The following SHISA9 variants were observed in gnomAD, a reference collection of about 807,000 sequenced individuals.
SHISA9 encodes shisa family member 9, also known as protein shisa-9.
In SHISA9, 13 loss-of-function variants were observed where a neutral mutation model predicts 38.0. The observed-to-expected ratio is 0.34, with a 90% CI of 0.22 to 0.54. The LOEUF (loss-of-function observed/expected upper bound fraction) is 0.54. SHISA9 is among the 20% of genes least tolerant of loss of function. SHISA9 has a pLI of 0.91. For missense variants in SHISA9, 538 were observed against 575.8 expected, an observed-to-expected ratio of 0.93 and a Z score of 0.67; for synonymous variants, 275 against 242.0, an observed-to-expected ratio of 1.14 and a Z score of -1.27.
chr16:13,079,120 A>G (rs1049724852), intron 2 of SHISA9, among the ~76,000 whole-genome samples: 3 of 152,192 alleles, frequency 2.0e-5, no homozygotes, highest in African/African-American at 2.4e-5. Context: ...AGGGTGAAAC[A>G]TGGCATGGAA....
chr16:13,347,846 C>CCCCCG, the SHISA9 span, among the ~76,000 whole-genome samples: 1,346 of 151,832 alleles, frequency 8.9e-3, 21 homozygotes, highest in African/African-American at 0.031. Flanking sequence ...CGTACCCCCC[C>CCCCCG]ACAAAGATGT....
intron 2 of SHISA9, among the ~76,000 whole-genome samples, chr16:13,002,725 A>G (rs4238619): frequency 0.72 from 108,642 of 151,428 alleles, 39,180 homozygotes; most frequent in African/African-American, 0.78. Flanking sequence ...TAGAGATGAG[A>G]TTTCATTACG....
intron 1 of SHISA9, chr16:12,910,793 G>A (rs977071585): frequency 1.1e-6 from 1 of 936,114 alleles, no homozygotes; most frequent in African/African-American, 1.8e-5. Flanking sequence ...TAAGGAATTG[G>A]AAGTCCAAAA....
At chr16:13,275,491 T>G in the SHISA9 span, among the ~76,000 whole-genome samples, 3 of 152,274 alleles carry the variant, frequency 2.0e-5, no homozygotes, top group Admixed American at 2.0e-4. Flanking sequence ...GAGTTCGATG[T>G]AGTAATATTT....
chr16:13,529,422 C>T, the SHISA9 span, among the ~76,000 whole-genome samples: 1 of 152,144 alleles, frequency 6.6e-6, no homozygotes. Flanking sequence ...AATTAAAGGA[C>T]CTCTAAACCC....
the SHISA9 span, among the ~76,000 whole-genome samples, chr16:13,467,536 G>A: frequency 0.02 from 2,968 of 152,182 alleles, 97 homozygotes; most frequent in African/African-American, 0.069. Flanking sequence ...CAACTTGTAC[G>A]TGGCCTATCA....
chr16:13,060,659 A>ACC (rs1268867184), intron 2 of SHISA9, among the ~76,000 whole-genome samples: 1 of 128,892 alleles, frequency 7.8e-6, no homozygotes, highest in Non-Finnish European at 1.6e-5. Flanking sequence ...AAAAAAAAAA[A>ACC]AACACTCAAA....
chr16:13,469,393 GAAAGAAAGAA>G, the SHISA9 span, among the ~76,000 whole-genome samples: 1 of 113,766 alleles, frequency 8.8e-6, no homozygotes, highest in Non-Finnish European at 1.9e-5. Flanking sequence ...AAGAAAGAAA[GAAAGAAAGAA>G]AGAAAGAAAG....
At chr16:12,972,303 C>G (rs1253786883) in intron 2 of SHISA9, among the ~76,000 whole-genome samples, 4 of 151,994 alleles carry the variant, frequency 2.6e-5, no homozygotes, top group Non-Finnish European at 4.4e-5. Context: ...AAAGAGTATT[C>G]CAGCCAAGAA....
chr16:13,472,377 A>ATTTTTTTTTTTTTTTT, the SHISA9 span, among the ~76,000 whole-genome samples: 1 of 55,416 alleles, frequency 1.8e-5, no homozygotes, highest in Non-Finnish European at 3.2e-5. Context: ...GCTCTGCTAA[A>ATTTTTTTTTTTTTTTT]TTTTTTTTTT....
At chr16:12,954,951 T>C (rs1471033861) in intron 2 of SHISA9, among the ~76,000 whole-genome samples, 1 of 152,160 alleles carries the variant, frequency 6.6e-6, no homozygotes, top group Non-Finnish European at 1.5e-5. Context: ...CGGTATGTGA[T>C]GGACAGTTCC....
chr16:13,197,156 T>TATAGAG (rs908292344), intron 2 of SHISA9, among the ~76,000 whole-genome samples: 14 of 141,382 alleles, frequency 9.9e-5, no homozygotes, highest in African/African-American at 3.1e-4. Flanking sequence ...TATATATATA[T>TATAGAG]AGAGAGAGAG....
the SHISA9 span, among the ~76,000 whole-genome samples, chr16:13,495,500 A>G: frequency 1.3e-5 from 2 of 152,124 alleles, no homozygotes; most frequent in South Asian, 4.1e-4. Context: ...AAAATACTCC[A>G]TTATATTGGC....
intron 2 of SHISA9, among the ~76,000 whole-genome samples, chr16:13,197,266 G>A (rs1188329483): frequency 6.6e-6 from 1 of 151,970 alleles, no homozygotes; most frequent in Non-Finnish European, 1.5e-5. Flanking sequence ...GTGCCTTTCT[G>A]GGCTATTCCT....
the SHISA9 span, among the ~76,000 whole-genome samples, chr16:13,306,727 C>A: frequency 3.9e-5 from 6 of 152,120 alleles, no homozygotes; most frequent in Non-Finnish European, 7.3e-5. Flanking sequence ...AATCAAAGAG[C>A]AAGAGAGTAA....
At chr16:13,272,767 C>A in the SHISA9 span, among the ~76,000 whole-genome samples, 5 of 152,090 alleles carry the variant, frequency 3.3e-5, no homozygotes, top group African/African-American at 9.7e-5. Flanking sequence ...GTTATTAATC[C>A]CCTTTTCCTC....
intron 2 of SHISA9, among the ~76,000 whole-genome samples, chr16:13,040,928 T>G (rs1262069224): frequency 6.6e-6 from 1 of 152,188 alleles, no homozygotes; most frequent in African/African-American, 2.4e-5. Context: ...GGAGAGCAAG[T>G]GTGGGGTCCT....
Position 13,066,236 on chromosome 16 carries a change from C to G in SHISA9, c.692-137158C>G, listed in dbSNP as rs903405387. On this transcript the variant is annotated intron_variant, in intron 2 of 4. Transcript: ENST00000558583. ...ACAGTGGAAATATCTCTTTCCTTAT[C>G]TGCACTTGACATGTAGTGTGAATCA... Among the ~76,000 whole-genome samples the G allele has an allele frequency of 3.9e-5, 6 of 152,326 alleles. No homozygotes were observed. In the East Asian group the frequency reaches 1.2e-3, roughly 29 times the overall value.
chr16:13,014,249 C>T (rs1427161332), intron 2 of SHISA9, among the ~76,000 whole-genome samples: 2 of 152,158 alleles, frequency 1.3e-5, no homozygotes, highest in Non-Finnish European at 2.9e-5. Flanking sequence ...AATCCAGAGC[C>T]ATCCTCCCAG....
Sources: gnomAD v4.1 joint callset for allele counts (sites outside exome capture counted in the v4.1 genomes callset) on GRCh38, gnomAD v4.1.1 for gene constraint, MANE v1.5 for transcripts, NCBI Gene and HGNC (gene_info 2026-07-23, HGNC 2026-07-21) for gene names.